Variants in KIF13A observed in about 807,000 individuals in gnomAD.
The protein encoded by KIF13A is kinesin-like protein KIF13A.
KIF13A carries 79 observed loss-of-function variants against 212.2 expected under a neutral mutation model. The observed-to-expected ratio is 0.37, with a 90% CI of 0.31 to 0.45. The LOEUF is 0.45. Ranked by LOEUF, KIF13A falls within the 20% of genes least tolerant of loss-of-function variation. KIF13A has a pLI of 1.00. For missense variants in KIF13A, 1,901 were observed against 2,209.0 expected (o/e 0.86, Z 2.79); for synonymous variants, 789 against 808.6 (o/e 0.98, Z 0.41).
intron 38 of KIF13A, 153 bp downstream of exon 38, chr6:17,770,961 T>C (rs1231595167): frequency 3.4e-6 from 2 of 594,622 alleles, no homozygotes. Flanking sequence ...GCCACATCCA[T>C]GCAAAATATC....
chr6:17,917,365 C>A (rs564896084), intron 2 of KIF13A, among the ~76,000 whole-genome samples: 1 of 151,206 alleles, frequency 6.6e-6, no homozygotes. Context: ...CTCAACCTCC[C>A]GAGAAGCTGG....
chr6:17,927,160 C>T (rs1329364090), intron 2 of KIF13A, among the ~76,000 whole-genome samples: 1 of 150,406 alleles, frequency 6.6e-6, no homozygotes, highest in Non-Finnish European at 1.5e-5. Context: ...AAAGTGAATG[C>T]AGGAACTTAA....
Position 17,817,240 on chromosome 6 carries a change from A to C in KIF13A, c.1787-7T>G, listed in dbSNP as rs770213982. The C allele has an allele frequency of 1.2e-6, 2 of 1,613,346 alleles. No homozygotes were observed. Among genetic ancestry groups the C allele is most frequent in the South Asian group, 2.2e-5 (2 of 91,070 alleles). On this transcript the variant is annotated splice_region_variant and splice_polypyrimidine_tract_variant and intron_variant, in intron 16 of 38. Coordinates refer to ENST00000259711, the MANE Select transcript of KIF13A (RefSeq NM_022113.6). ...ACCACATTTTGAACTGGGTCTAGTG[A>C]GCCAAGAGACAAGGCAAGGTGTCTT...
Position 17,769,130 on chromosome 6 carries a change from A to G in KIF13A, c.4581+1984T>C, listed in dbSNP as rs180887729. Among the ~76,000 whole-genome samples, 4 of 152,332 alleles carry G rather than the reference A, an allele frequency of 2.6e-5. No individual in the cohort carries two copies. Among genetic ancestry groups the G allele is most frequent in the Admixed American group, 1.3e-4 (2 of 15,302 alleles). On this transcript the variant is annotated intron_variant, in intron 38 of 38. Coordinates refer to ENST00000259711, the MANE Select transcript of KIF13A (RefSeq NM_022113.6). The surrounding 1 kb of genome is among the most constrained non-coding windows in gnomAD (Gnocchi z 5.8). ...TCTGATTGTTCAAGAGTGGAAGAGA[A>G]AAGAACGTGAATTAGTCACAAAGGA...
intron 3 of KIF13A, among the ~76,000 whole-genome samples, chr6:17,873,755 T>TA (rs796465989): frequency 4.7e-5 from 7 of 149,826 alleles, no homozygotes; most frequent in East Asian, 3.9e-4. Context: ...ATCGAGCAAT[T>TA]AAAAAAAAAA....
chr6:17,839,888 G>A lies in KIF13A; in HGVS notation c.831-2305C>T, dbSNP rs1015881114. On this transcript the variant is annotated intron_variant, in intron 9 of 38. Coordinates refer to ENST00000259711, the MANE Select transcript of KIF13A (RefSeq NM_022113.6). This position sits in a 1 kb window ranked among gnomAD's most constrained non-coding sequence, Gnocchi z 4.3. The stretch of plus-strand genomic sequence containing the variant: ...AGGGAACAAACCCTGCTGACCCCTT[G>A]ATTTCAGATTTCTCGCCTGCAGAAT... Among the ~76,000 whole-genome samples the A allele has an allele frequency of 2.0e-5, 3 of 152,130 alleles. No homozygotes were observed. The highest frequency in any genetic ancestry group is 4.4e-5 in the Non-Finnish European group (3 of 68,022).
intron 2 of KIF13A, among the ~76,000 whole-genome samples, chr6:17,920,868 T>C (rs1775008021): frequency 9.7e-6 from 1 of 103,152 alleles, no homozygotes. Flanking sequence ...GGCAGGACTA[T>C]GTCTCAAAAA....
At chr6:17,807,560 G>A (rs568960281) in intron 18 of KIF13A, among the ~76,000 whole-genome samples, 3 of 145,656 alleles carry the variant, frequency 2.1e-5, no homozygotes, top group Non-Finnish European at 3.2e-5. Context: ...GACAATATGT[G>A]CACCACTGAA....
intron 3 of KIF13A, among the ~76,000 whole-genome samples, chr6:17,884,586 T>G (rs1771373150): frequency 6.6e-6 from 1 of 152,158 alleles, no homozygotes; most frequent in Non-Finnish European, 1.5e-5. Flanking sequence ...CTACAGACTG[T>G]TTGGTTCTGT....
intron 2 of KIF13A, among the ~76,000 whole-genome samples, chr6:17,921,245 G>T: frequency 6.6e-6 from 1 of 152,210 alleles, no homozygotes; most frequent in East Asian, 1.9e-4. Context: ...CTGAGAAGTT[G>T]TGCAGTAAAT....
intron 2 of KIF13A, among the ~76,000 whole-genome samples, chr6:17,976,591 G>A (rs1396584334): frequency 1.3e-5 from 2 of 152,166 alleles, no homozygotes; most frequent in Non-Finnish European, 2.9e-5. Context: ...CCTGCAAGCT[G>A]AGGGAGCCGG....
chr6:17,971,290 ATAAT>A lies in KIF13A; in HGVS notation c.146+15760_146+15763del, dbSNP rs1471562634. Reference sequence around the variant, plus strand: ...TTTCCATCAATTTCCAGGAAAAGAGATAATTAATGTGATCACTTCACAAAATTAA... The same window carrying A: ...TTTCCATCAATTTCCAGGAAAAGAGATAATGTGATCACTTCACAAAATTAA... On this transcript the variant is annotated intron_variant, in intron 2 of 38. Transcript: ENST00000259711. The surrounding 1 kb of genome is among the most constrained non-coding windows in gnomAD (Gnocchi z 4.2). Among the ~76,000 whole-genome samples the A allele has an allele frequency of 2.0e-5, 3 of 152,216 alleles. No homozygotes were observed. Among genetic ancestry groups the A allele is most frequent in the African/African-American group, 7.2e-5 (3 of 41,462 alleles).
intron 20 of KIF13A, among the ~76,000 whole-genome samples, chr6:17,800,828 T>C (rs1314514417): frequency 3.3e-5 from 5 of 151,958 alleles, no homozygotes; most frequent in Non-Finnish European, 7.4e-5. Flanking sequence ...CTCGGACTCC[T>C]GACCTCATGA....
intron 4 of KIF13A, among the ~76,000 whole-genome samples, chr6:17,865,417 G>C (rs79708608): frequency 0.08 from 12,243 of 152,090 alleles, 1,328 homozygotes; most frequent in African/African-American, 0.25. Flanking sequence ...CTTCTAAACA[G>C]GGCTGACAGG....
In KIF13A at chr6:17,806,159, C is replaced by T. The variant is rs762030576; in HGVS notation, c.2164-544G>A. On this transcript the variant is annotated intron_variant, in intron 18 of 38. Coordinates refer to ENST00000259711, the MANE Select transcript of KIF13A (RefSeq NM_022113.6). Reference sequence around the variant, plus strand: ...TGTTGCCCGGGCTGGTCTCGAACTCCTGTACTCAAGCGATCTGCCCACCTT... The same window carrying T: ...TGTTGCCCGGGCTGGTCTCGAACTCTTGTACTCAAGCGATCTGCCCACCTT... Among the ~76,000 whole-genome samples the T allele has an allele frequency of 9.5e-4, 144 of 152,034 alleles. 2 individuals are homozygous for T. The highest frequency in any genetic ancestry group is 6.2e-4 in the Non-Finnish European group (42 of 68,004).
chr6:17,780,670 A>G (rs921279957), intron 31 of KIF13A, 60 bp downstream of exon 31: 1 of 1,509,220 alleles, frequency 6.6e-7, no homozygotes, highest in Non-Finnish European at 9.1e-7. Flanking sequence ...TTTGTGATAG[A>G]GAGAGGGAAA....
In KIF13A at chr6:17,862,047, C is replaced by T. The variant is rs144532596; in HGVS notation, c.221-5925G>A. ...TTTAGTTATTTTGGAGACAGGATCT[C>T]GCTTTGTGTCCAGGCTGGAGTGTGG... On this transcript the variant is annotated intron_variant, in intron 4 of 38. Coordinates refer to ENST00000259711, the MANE Select transcript of KIF13A (RefSeq NM_022113.6). Among the ~76,000 whole-genome samples, 20 of 152,272 alleles carry T rather than the reference C, an allele frequency of 1.3e-4. 1 individual carries two copies. The East Asian group carries it at 3.1e-3, about 23-fold the overall frequency.
At chr6:17,936,531 G>C (rs1447226390) in intron 2 of KIF13A, 1 of 154,244 alleles carries the variant, frequency 6.5e-6, no homozygotes, top group African/African-American at 2.4e-5. Context: ...ATGTTTCACA[G>C]TCCCAAGCAA....
intron 2 of KIF13A, among the ~76,000 whole-genome samples, chr6:17,908,195 G>C (rs1009894222): frequency 1.3e-5 from 2 of 152,188 alleles, no homozygotes; most frequent in African/African-American, 4.8e-5. Flanking sequence ...AGTGTGAAGG[G>C]ACTTTCCACA....
Sources: allele counts gnomAD v4.1 joint callset (sites outside exome capture counted in the v4.1 genomes callset), GRCh38; gene constraint gnomAD v4.1.1; non-coding constraint Gnocchi (gnomAD v3.1); transcripts MANE v1.5; gene names NCBI Gene and HGNC (gene_info 2026-07-23, HGNC 2026-07-21).